NKAIN2: variants seen among roughly 807,000 people sequenced by gnomAD.
The protein encoded by NKAIN2 is sodium/potassium-transporting ATPase subunit beta-1-interacting protein 2.
In NKAIN2, 14 loss-of-function variants were observed where a neutral mutation model predicts 32.6. The ratio of observed to expected loss-of-function variants is 0.43; its 90% confidence interval spans 0.28 to 0.67. The LOEUF is 0.67. Among genes scored for constraint, NKAIN2 ranks in the 30% least tolerant of loss-of-function variants. The probability of loss-of-function intolerance (pLI) is 0.17; values close to 1 mark genes in which losing one functional copy is unlikely to be tolerated. For missense variants in NKAIN2, 198 were observed against 258.3 expected (o/e 0.77, Z 1.60); for synonymous variants, 80 against 87.2 (o/e 0.92, Z 0.46).
chr6:124,229,649 A>G (rs1243081577), intron 1 of NKAIN2, among the ~76,000 whole-genome samples: 1 of 151,956 alleles, frequency 6.6e-6, no homozygotes, highest in Non-Finnish European at 1.5e-5. Context: ...CTGGTGGGAG[A>G]TAATTGAACC....
At chr6:124,446,337 T>TTTTG (rs71021492) in intron 3 of NKAIN2, among the ~76,000 whole-genome samples, 5 of 151,120 alleles carry the variant, frequency 3.3e-5, no homozygotes, top group East Asian at 2.0e-4. Context: ...TATATAAGTT[T>TTTTG]TTTGTTTGTT....
chr6:124,114,149 G>A (rs538513681), intron 1 of NKAIN2, among the ~76,000 whole-genome samples: 3 of 152,256 alleles, frequency 2.0e-5, no homozygotes, highest in African/African-American at 7.2e-5. Flanking sequence ...TCTAGCTAAC[G>A]TGTTGTGTTG....
intron 3 of NKAIN2, among the ~76,000 whole-genome samples, chr6:124,652,971 G>C (rs1784417727): frequency 1.3e-5 from 2 of 152,062 alleles, no homozygotes; most frequent in South Asian, 4.1e-4. Flanking sequence ...ATATGTACAA[G>C]ATCTATATGA....
At chr6:124,109,526 T>C (rs1510296) in intron 1 of NKAIN2, among the ~76,000 whole-genome samples, 15,551 of 152,104 alleles carry the variant, frequency 0.1, 1,070 homozygotes, top group Non-Finnish European at 0.15. Context: ...TATGTGTATA[T>C]ATGAATACAT....
intron 3 of NKAIN2, among the ~76,000 whole-genome samples, chr6:124,399,224 G>A (rs936695193): frequency 6.6e-6 from 1 of 152,142 alleles, no homozygotes; most frequent in African/African-American, 2.4e-5. Flanking sequence ...ACCAGGCTTG[G>A]CCTTTATTTT....
At chr6:124,144,676 T>TC in intron 1 of NKAIN2, among the ~76,000 whole-genome samples, 1 of 152,022 alleles carries the variant, frequency 6.6e-6, no homozygotes, top group Non-Finnish European at 1.5e-5. Flanking sequence ...AAACTGTAAA[T>TC]AATTTAACAT....
intron 3 of NKAIN2, among the ~76,000 whole-genome samples, chr6:124,524,279 G>A (rs1779229406): frequency 6.6e-6 from 1 of 152,088 alleles, no homozygotes; most frequent in Non-Finnish European, 1.5e-5. Flanking sequence ...TTGTTCATTT[G>A]CAAATAAAAA....
chr6:124,555,840 C>T (rs1483432496), intron 3 of NKAIN2, among the ~76,000 whole-genome samples: 1 of 152,192 alleles, frequency 6.6e-6, no homozygotes, highest in Non-Finnish European at 1.5e-5. Flanking sequence ...CTTATCTTCT[C>T]TTTAGCTCAT....
chr6:124,568,911 A>C lies in NKAIN2; in HGVS notation c.274-89275A>C, dbSNP rs774841331. 5.3e-5 allele frequency among the ~76,000 whole-genome samples: 8 copies of C among 151,226 alleles called. No individual in the cohort carries two copies. In the East Asian group the frequency reaches 9.8e-4, roughly 18 times the overall value. ...ATGTTTAAGCACTTTTAAAGGGTGA[A>C]TATTTCTGACCACCATCTGTTAATC... On this transcript the variant is annotated intron_variant, in intron 3 of 6. Transcript: ENST00000368417.
At chr6:124,635,214 G>A (rs1783729254) in intron 3 of NKAIN2, among the ~76,000 whole-genome samples, 1 of 151,836 alleles carries the variant, frequency 6.6e-6, no homozygotes, top group South Asian at 2.1e-4. Context: ...CATCAGACCA[G>A]CCATACAAAA....
At chr6:124,325,056 G>T (rs1370777319) in intron 2 of NKAIN2, among the ~76,000 whole-genome samples, 1 of 151,884 alleles carries the variant, frequency 6.6e-6, no homozygotes, top group African/African-American at 2.4e-5. Context: ...AATACAAGGG[G>T]CCAATTCTTT....
chr6:124,064,268 CAT>C (rs1362002582), intron 1 of NKAIN2, among the ~76,000 whole-genome samples: 6 of 152,038 alleles, frequency 3.9e-5, no homozygotes, highest in African/African-American at 1.5e-4. Context: ...AGATTATTCA[CAT>C]ATAGAGTAAT....
chr6:123,950,768 G>A (rs942583139), intron 1 of NKAIN2, among the ~76,000 whole-genome samples: 2 of 151,492 alleles, frequency 1.3e-5, no homozygotes, highest in African/African-American at 2.4e-5. Flanking sequence ...CCTTTGTGTT[G>A]TTTTTTAGTC....
intron 1 of NKAIN2, among the ~76,000 whole-genome samples, chr6:124,202,531 G>A (rs1790643700): frequency 6.6e-6 from 1 of 151,934 alleles, no homozygotes; most frequent in Non-Finnish European, 1.5e-5. Context: ...AGCTTTGGGG[G>A]AGAGGCCACA....
chr6:124,414,651 A>G (rs1774378535), intron 3 of NKAIN2, among the ~76,000 whole-genome samples: 1 of 152,110 alleles, frequency 6.6e-6, no homozygotes, highest in Non-Finnish European at 1.5e-5. Flanking sequence ...TTTTGGGAAA[A>G]TTTTTAACTA....
chr6:124,404,463 T>C (rs930733462), intron 3 of NKAIN2, among the ~76,000 whole-genome samples: 1 of 152,160 alleles, frequency 6.6e-6, no homozygotes, highest in African/African-American at 2.4e-5. Flanking sequence ...TGAGTTTCTT[T>C]CCTTCTCCAA....
chr6:123,965,270 C>T (rs1283913448), intron 1 of NKAIN2, among the ~76,000 whole-genome samples: 3 of 152,130 alleles, frequency 2.0e-5, no homozygotes, highest in Admixed American at 2.0e-4. Flanking sequence ...CTCAAATTTA[C>T]TTATTAAAAA....
chr6:124,323,704 A>C (rs945464327), intron 2 of NKAIN2, among the ~76,000 whole-genome samples: 1 of 151,852 alleles, frequency 6.6e-6, no homozygotes, highest in Admixed American at 6.6e-5. Context: ...ATATATTAAA[A>C]CTTAATATTG....
chr6:123,991,606 T>C (rs539304738), intron 1 of NKAIN2, among the ~76,000 whole-genome samples: 43 of 152,258 alleles, frequency 2.8e-4, no homozygotes, highest in Admixed American at 1.8e-3. Flanking sequence ...CTCATGCCTG[T>C]AATCCCAGCA....
Sources: allele counts gnomAD v4.1 joint callset (sites outside exome capture counted in the v4.1 genomes callset), GRCh38; gene constraint gnomAD v4.1.1; transcripts MANE v1.5; gene names NCBI Gene and HGNC (gene_info 2026-07-23, HGNC 2026-07-21).